Variants in IRAK4 observed in about 807,000 individuals in gnomAD.
IRAK4 encodes interleukin 1 receptor associated kinase 4.
In IRAK4, 44 loss-of-function variants were observed where a neutral mutation model predicts 51.8. The observed-to-expected ratio is 0.85, with a 90% confidence interval of 0.67 to 1.09. The LOEUF is 1.09. IRAK4 is among the 50% of genes least tolerant of loss of function. The probability of loss-of-function intolerance (pLI) is 0.00; values close to 1 mark genes in which losing one functional copy is unlikely to be tolerated. For synonymous variants in IRAK4, 149 were observed against 174.1 expected, an observed-to-expected ratio of 0.86 and a Z score of 1.13; for missense variants, 487 against 538.0, an observed-to-expected ratio of 0.91 and a Z score of 0.94.
chr12:43,776,776 A>G (rs533960872), intron 6 of IRAK4, among the ~76,000 whole-genome samples: 1 of 152,350 alleles, frequency 6.6e-6, no homozygotes, highest in African/African-American at 2.4e-5. Context: ...AGATGCTGCC[A>G]CTTTATTAGA....
chr12:43,785,921 A>G (rs1565688216), intron 10 of IRAK4, among the ~76,000 whole-genome samples: 1 of 152,076 alleles, frequency 6.6e-6, no homozygotes, highest in African/African-American at 2.4e-5. Context: ...AAAATACGGT[A>G]TTATAATTTT....
At position 43,772,947 on chromosome 12, in the gene IRAK4, G is replaced by T. The variant is rs886049385; in HGVS notation, c.526G>T (p.Val176Phe). 2.5e-6 allele frequency: 4 copies of T among 1,610,554 alleles called. No homozygotes were observed. In the Admixed American group the frequency reaches 6.7e-5, roughly 27 times the overall value. Residue 176 changes from valine to phenylalanine, a missense_variant, in exon 5 of 12, where the codon GTC (valine) becomes TTC (phenylalanine). Coordinates refer to ENST00000613694, the MANE Select transcript of IRAK4 (RefSeq NM_016123.4). ...TTTTTCATTTTATGAATTGAAGAATGTCACAAATAACTTTGATGAACGACC... is the reference window on the plus strand; with the variant it reads ...TTTTTCATTTTATGAATTGAAGAATTTCACAAATAACTTTGATGAACGACC... The part of the protein sequence containing the change: ...HSFSFYELKN[V>F]TNNFDERPIS...
chr12:43,778,211 T>G lies in IRAK4; in HGVS notation c.850T>G (p.Ser284Ala). The change falls in exon 8 of 12, where the codon TCT (serine) becomes GCT (alanine). Residue 284 changes from serine (S) to alanine (A), a missense_variant. Coordinates refer to ENST00000613694, the MANE Select transcript of IRAK4 (RefSeq NM_016123.4). ...TTATAAGGATGGTACTCCACCACTT[T>G]CTTGGCACATGAGATGCAAGATTGC... The part of the protein sequence containing the change: ...LSCLDGTPPL[S>A]WHMRCKIAQG... 1.2e-6 allele frequency: 2 copies of G among 1,606,458 alleles called. No homozygotes were observed. Among genetic ancestry groups the G allele is most frequent in the South Asian group, 2.2e-5 (2 of 90,882 alleles).
intron 1 of IRAK4, among the ~76,000 whole-genome samples, chr12:43,761,398 A>G (rs77642487): frequency 1.3e-5 from 2 of 152,232 alleles, no homozygotes; most frequent in African/African-American, 2.4e-5. Flanking sequence ...ACCTAAATAC[A>G]GTCTGCACAT....
At position 43,783,752 on chromosome 12, in the gene IRAK4, C is replaced by G. The variant is rs201171901; in HGVS notation, c.1188+28C>G. The G allele has an allele frequency of 1.4e-5, 21 of 1,465,706 alleles. No individual in the cohort carries two copies. In the African/African-American group the frequency reaches 2.1e-4, roughly 15 times the overall value. The allele number at this position is 1,465,706 out of a possible 1,614,324, so 90.8% of individuals were successfully genotyped here. A position where few individuals can be genotyped will look rare whatever the true frequency, so the allele number is the denominator to read the frequency against. Reference sequence around the variant, plus strand: ...AAATGAAATATTCATTTTCCTCAATCCTTTTTTCTCTGCTTTTGTAGTCTA... The same window carrying G: ...AAATGAAATATTCATTTTCCTCAATGCTTTTTTCTCTGCTTTTGTAGTCTA... On this transcript the variant is annotated intron_variant, in intron 10 of 11. Coordinates refer to ENST00000613694, the MANE Select transcript of IRAK4 (RefSeq NM_016123.4).
intron 2 of IRAK4, chr12:43,770,980 T>C (rs1182975291): frequency 1.5e-6 from 1 of 657,480 alleles, no homozygotes. Flanking sequence ...TCTCTTTTTT[T>C]TTCTCTTTCA....
chr12:43,784,244 A>G lies in IRAK4; in HGVS notation c.1188+520A>G, dbSNP rs944235493. Among the ~76,000 whole-genome samples, 3 of 152,204 alleles carry G rather than the reference A, an allele frequency of 2.0e-5. No homozygotes were observed. The highest frequency in any genetic ancestry group is 2.9e-5 in the Non-Finnish European group (2 of 68,026). The stretch of plus-strand genomic sequence containing the variant: ...GTTTTTCCTTTGCTCTCACACCACA[A>G]CAACAATCAACACAGAAGATTTCTG... On this transcript the variant is annotated intron_variant, in intron 10 of 11. Transcript: ENST00000613694.
chr12:43,783,737 T>G lies in IRAK4; in HGVS notation c.1188+13T>G, dbSNP rs969977387. 1 of 1,560,408 alleles carries G rather than the reference T, an allele frequency of 6.4e-7. No individual in the cohort carries two copies. Among genetic ancestry groups the G allele is most frequent in the South Asian group, 1.1e-5 (1 of 89,484 alleles). On this transcript the variant is annotated intron_variant, in intron 10 of 11. Transcript: ENST00000613694. ...ACCTCAGTTATTGGTAAATGAAATA[T>G]TCATTTTCCTCAATCCTTTTTTCTC...
Position 43,783,734 on chromosome 12 carries a change from A to G in IRAK4, c.1188+10A>G, listed in dbSNP as rs1255247860. ...TGAACCTCAGTTATTGGTAAATGAA[A>G]TATTCATTTTCCTCAATCCTTTTTT... On this transcript the variant is annotated intron_variant, in intron 10 of 11. Transcript: ENST00000613694. 6.4e-7 allele frequency: 1 copy of G among 1,560,146 alleles called. No homozygotes were observed. The highest frequency in any genetic ancestry group is 1.4e-5 in the African/African-American group (1 of 73,902).
intron 10 of IRAK4, among the ~76,000 whole-genome samples, chr12:43,785,704 T>G (rs1942155535): frequency 6.6e-6 from 1 of 150,532 alleles, no homozygotes; most frequent in African/African-American, 2.4e-5. Context: ...TTCCGAGAAA[T>G]GTGTTGTTAG....
In IRAK4 at chr12:43,786,948, T is replaced by A; in HGVS notation, c.*233T>A. 1 of 551,122 alleles carries A rather than the reference T, an allele frequency of 1.8e-6. No homozygotes were observed. The highest frequency in any genetic ancestry group is 3.0e-5 in the East Asian group (1 of 33,348). 34.1% of individuals were successfully genotyped at this position (551,122 alleles called of 1,614,324 possible). A position where few individuals can be genotyped will look rare whatever the true frequency, so the allele number is the denominator to read the frequency against. On this transcript the variant is annotated 3_prime_UTR_variant, in exon 12 of 12. Transcript: ENST00000613694. ...AGTTCTTACAGTAATCCCTGAGAAA[T>A]CTCCTTCAAGCATCACCAAACACAG... is the stretch of plus-strand genomic sequence containing the variant.
chr12:43,767,015 T>C (rs1940219310), intron 1 of IRAK4, among the ~76,000 whole-genome samples: 2 of 152,216 alleles, frequency 1.3e-5, no homozygotes, highest in South Asian at 2.1e-4. Context: ...AATACTAACA[T>C]AGAAGCCTCT....
At position 43,788,598 on chromosome 12, in the gene IRAK4, G is replaced by A. The variant is rs546754318; in HGVS notation, c.*1883G>A. ...TCTGTTGCCCAGGCTGGAGTGCAGTGGCACGATCTCGGCTCACTGCAAGCT... is the reference window on the plus strand; with the variant it reads ...TCTGTTGCCCAGGCTGGAGTGCAGTAGCACGATCTCGGCTCACTGCAAGCT... On this transcript the variant is annotated 3_prime_UTR_variant, in exon 12 of 12. Transcript: ENST00000613694. 4 of 149,548 alleles carry A rather than the reference G, an allele frequency of 2.7e-5. No individual in the cohort carries two copies. In the South Asian group the frequency reaches 6.3e-4, roughly 24 times the overall value. 9.3% of individuals were successfully genotyped at this position (149,548 alleles called of 1,614,324 possible).
chr12:43,773,137 A>C (rs1940947917), intron 5 of IRAK4, 65 bp downstream of exon 5: 2 of 1,371,158 alleles, frequency 1.5e-6, no homozygotes, highest in Non-Finnish European at 2.1e-6. Context: ...AATAGGTTTT[A>C]AAGTTAATCT....
chr12:43,785,317 A>AT lies in IRAK4; in HGVS notation c.1189-1073dup, dbSNP rs201224565. Among the ~76,000 whole-genome samples, 1,476 of 151,154 alleles carry AT rather than the reference A, an allele frequency of 9.8e-3. 22 individuals carry two copies. Among genetic ancestry groups the AT allele is most frequent in the African/African-American group, 0.033 (1,372 of 41,240 alleles). ...TATTCCTACACTTCTCTCCCTGTTA[A>AT]TTTTTTTTTATCATGGCCTGCTCCC... is the stretch of plus-strand genomic sequence containing the variant. On this transcript the variant is annotated intron_variant, in intron 10 of 11. Coordinates refer to ENST00000613694, the MANE Select transcript of IRAK4 (RefSeq NM_016123.4).
In IRAK4 at chr12:43,789,214, A is replaced by G. The variant is rs1016645578; in HGVS notation, c.*2499A>G. On this transcript the variant is annotated 3_prime_UTR_variant, in exon 12 of 12. Coordinates refer to ENST00000613694, the MANE Select transcript of IRAK4 (RefSeq NM_016123.4). ...GGGCCTGATGGGAAGTGTTTGGGTC[A>G]TGGTGGATGATCCCTCATGAATGGC... 5.3e-5 allele frequency: 8 copies of G among 152,152 alleles called. No individual in the cohort carries two copies. Among genetic ancestry groups the G allele is most frequent in the African/African-American group, 1.9e-4 (8 of 41,418 alleles). 9.4% of individuals were successfully genotyped at this position (152,152 alleles called of 1,614,324 possible). A position where few individuals can be genotyped will look rare whatever the true frequency, so the allele number is the denominator to read the frequency against.
chr12:43,766,896 A>C (rs1940206593), intron 1 of IRAK4, among the ~76,000 whole-genome samples: 1 of 152,198 alleles, frequency 6.6e-6, no homozygotes, highest in African/African-American at 2.4e-5. Context: ...AAACAGGTAA[A>C]CAAATAAGTA....
intron 10 of IRAK4, among the ~76,000 whole-genome samples, chr12:43,785,149 A>G (rs1942096707): frequency 6.6e-6 from 1 of 152,136 alleles, no homozygotes; most frequent in Non-Finnish European, 1.5e-5. Context: ...AGGATTAGCC[A>G]TAATCTGGAA....
At chr12:43,782,876 G>A (rs1941900507) in intron 9 of IRAK4, among the ~76,000 whole-genome samples, 1 of 152,072 alleles carries the variant, frequency 6.6e-6, no homozygotes, top group African/African-American at 2.4e-5. Context: ...GAAGAAGCCG[G>A]GGGCTTTTTC....
Sources: gnomAD v4.1 joint callset for allele counts (sites outside exome capture counted in the v4.1 genomes callset) on GRCh38, gnomAD v4.1.1 for gene constraint, MANE v1.5 for transcripts, NCBI Gene and HGNC (gene_info 2026-07-23, HGNC 2026-07-21) for gene names.